The following FOXK1 variants were observed in gnomAD, a reference collection of about 807,000 sequenced individuals.
FOXK1 encodes forkhead box protein K1.
FOXK1 carries 19 observed loss-of-function variants against 51.9 expected under a neutral mutation model. The ratio of observed to expected loss-of-function variants is 0.37; its 90% CI spans 0.26 to 0.54. The LOEUF is 0.54. FOXK1 is among the 20% of genes least tolerant of loss of function. The pLI is 0.87. For missense variants in FOXK1, 870 were observed against 1,032.7 expected (o/e 0.84, Z 2.16); for synonymous variants, 537 against 482.6 (o/e 1.11, Z -1.48).
At chr7:4,759,755 G>A in intron 7 of FOXK1, 160 bp downstream of exon 7, 1 of 904,944 alleles carries the variant, frequency 1.1e-6, no homozygotes. Flanking sequence ...GCATGAGCTG[G>A]GCAGGTGGCT....
chr7:4,700,809 C>G (rs949147035), intron 1 of FOXK1, among the ~76,000 whole-genome samples: 6 of 152,072 alleles, frequency 3.9e-5, no homozygotes, highest in Admixed American at 3.9e-4. Context: ...AGAGCAAGAC[C>G]CTGTCTCAAA....
rs1241695265 is a variant in FOXK1 at position 4,741,094 on chromosome 7, G to A, written c.746+71G>A. 3.4e-5 allele frequency: 37 copies of A among 1,103,978 alleles called. 1 individual carries two copies. The highest frequency in any genetic ancestry group is 2.3e-4 in the Middle Eastern group (1 of 4,422). The allele number at this position is 1,103,978 out of a possible 1,614,324, so 68.4% of individuals were successfully genotyped here. A position where few individuals can be genotyped will look rare whatever the true frequency, so the allele number is the denominator to read the frequency against. ...GATGATGCGAGCGTGCCTGTCGTAC[G>A]CAGCACCGGGTTCCAAATCTCTCTG... On this transcript the variant is annotated intron_variant, in intron 2 of 8. Transcript: ENST00000328914.
In FOXK1 at chr7:4,682,362, G is replaced by A. The variant is rs1205484988; in HGVS notation, c.54G>A (p.Ser18=). Reference sequence around the variant, plus strand: ...CCCGCGCCCTGCTCGCGCTGCGCTCGGCGCCCTGCAGCCCAGTGCTGTGCG... The same window carrying A: ...CCCGCGCCCTGCTCGCGCTGCGCTCAGCGCCCTGCAGCCCAGTGCTGTGCG... The part of the protein sequence containing the change: ...SGARALLALR[S]APCSPVLCAA... Residue 18 remains serine (S), a synonymous_variant, in exon 1 of 9, where the codon TCG becomes TCA. Transcript: ENST00000328914. The surrounding 1 kb of genome is among the most constrained non-coding windows in gnomAD (Gnocchi z 7.6). 2.0e-6 allele frequency: 2 copies of A among 993,328 alleles called. No homozygotes were observed. The highest frequency in any genetic ancestry group is 3.5e-5 in the African/African-American group (2 of 56,804). The allele number at this position is 993,328 out of a possible 1,614,324, so 61.5% of individuals were successfully genotyped here. A position where few individuals can be genotyped will look rare whatever the true frequency, so the allele number is the denominator to read the frequency against.
intron 1 of FOXK1, among the ~76,000 whole-genome samples, chr7:4,714,551 G>A (rs989548124): frequency 7.9e-5 from 12 of 152,276 alleles, no homozygotes; most frequent in African/African-American, 2.4e-4. Context: ...TTGGGATTAC[G>A]GGCGTGAGCC....
In FOXK1 at chr7:4,717,620, C is replaced by T. The variant is rs1050145150; in HGVS notation, c.561-23218C>T. On this transcript the variant is annotated intron_variant, in intron 1 of 8. Coordinates refer to ENST00000328914, the MANE Select transcript of FOXK1 (RefSeq NM_001037165.2). ...AGGCAAGTGTCTGTGAAGCGCATGA[C>T]GGGAGGTACTCCACCCTAGCCCCAG... 9.9e-5 allele frequency among the ~76,000 whole-genome samples: 15 copies of T among 152,092 alleles called. No homozygotes were observed. In the South Asian group the frequency reaches 1.2e-3, roughly 13 times the overall value.
intron 1 of FOXK1, among the ~76,000 whole-genome samples, chr7:4,688,738 A>G (rs1381212777): frequency 6.6e-6 from 1 of 151,952 alleles, no homozygotes; most frequent in East Asian, 1.9e-4. Context: ...ACCTGCCTTT[A>G]CAGATTGGAT....
Position 4,758,702 on chromosome 7 carries a change from C to A in FOXK1, c.1245-349C>A, listed in dbSNP as rs73674093. On this transcript the variant is annotated intron_variant, in intron 5 of 8. Transcript: ENST00000328914. The surrounding 1 kb of genome is among the most constrained non-coding windows in gnomAD (Gnocchi z 4.4). ...TTCATGGTGGAACGGTTGCGCCCACCAAACAGAAGCTTATGTTTTTGGCAC... is the reference window on the plus strand; with the variant it reads ...TTCATGGTGGAACGGTTGCGCCCACAAAACAGAAGCTTATGTTTTTGGCAC... The A allele has an allele frequency of 0.018, 4,698 of 268,236 alleles. 164 individuals carry two copies. Among genetic ancestry groups the A allele is most frequent in the African/African-American group, 0.081 (3,629 of 44,900 alleles). 16.6% of individuals were successfully genotyped at this position (268,236 alleles called of 1,614,324 possible).
chr7:4,710,947 C>G (rs1243492843), intron 1 of FOXK1, among the ~76,000 whole-genome samples: 1 of 152,184 alleles, frequency 6.6e-6, no homozygotes, highest in East Asian at 1.9e-4. Flanking sequence ...ATGTGTCTGT[C>G]CGCATTACCT....
chr7:4,725,546 A>T (rs565606355), intron 1 of FOXK1, among the ~76,000 whole-genome samples: 6 of 152,352 alleles, frequency 3.9e-5, no homozygotes, highest in African/African-American at 1.4e-4. Flanking sequence ...CAAGGACCTC[A>T]CTGCCTTTGT....
intron 1 of FOXK1, among the ~76,000 whole-genome samples, chr7:4,685,908 A>C (rs1024503757): frequency 1.3e-5 from 2 of 151,452 alleles, no homozygotes; most frequent in Non-Finnish European, 2.9e-5. Context: ...ACGCCACTGC[A>C]CTCCAGCCTG....
Position 4,743,663 on chromosome 7 carries a change from A to G in FOXK1, c.746+2640A>G, listed in dbSNP as rs1225477329. Among the ~76,000 whole-genome samples, 1 of 152,224 alleles carries G rather than the reference A, an allele frequency of 6.6e-6. No homozygotes were observed. Among genetic ancestry groups the G allele is most frequent in the African/African-American group, 2.4e-5 (1 of 41,460 alleles). ...CCTAGTACCACCTTAAAGGCGCTGT[A>G]GAAATGGTGGCCAAGACCAGCTCAC... is the stretch of plus-strand genomic sequence containing the variant. On this transcript the variant is annotated intron_variant, in intron 2 of 8. Transcript: ENST00000328914. The surrounding 1 kb of genome is among the most constrained non-coding windows in gnomAD (Gnocchi z 5.3).
rs966625931 is a variant in FOXK1, at chr7:4,767,425, T to C, written c.*4961T>C. ...CACGGGGACTGCGCCACACTCCTGA[T>C]GAAAACGTGTTTACCCACAGCCTCG... On this transcript the variant is annotated 3_prime_UTR_variant, in exon 9 of 9. Coordinates refer to ENST00000328914, the MANE Select transcript of FOXK1 (RefSeq NM_001037165.2). The surrounding 1 kb of genome is among the most constrained non-coding windows in gnomAD (Gnocchi z 6.6). The C allele has an allele frequency of 2.0e-5, 3 of 152,258 alleles. No individual in the cohort carries two copies. Among genetic ancestry groups the C allele is most frequent in the African/African-American group, 4.8e-5 (2 of 41,470 alleles). The allele number at this position is 152,258 out of a possible 1,614,324, so 9.4% of individuals were successfully genotyped here.
intron 2 of FOXK1, among the ~76,000 whole-genome samples, chr7:4,746,932 T>C (rs1385021890): frequency 6.6e-6 from 1 of 152,202 alleles, no homozygotes; most frequent in Non-Finnish European, 1.5e-5. Context: ...CTTATGTCTT[T>C]TCCCAGCTGA....
At chr7:4,725,421 G>C (rs1046197828) in intron 1 of FOXK1, among the ~76,000 whole-genome samples, 1 of 152,226 alleles carries the variant, frequency 6.6e-6, no homozygotes, top group Non-Finnish European at 1.5e-5. Flanking sequence ...AAGTGAAACC[G>C]GGCTTAGTTG....
chr7:4,758,925 C>A lies in FOXK1; in HGVS notation c.1245-126C>A. 2.0e-6 allele frequency: 2 copies of A among 1,020,892 alleles called. No individual in the cohort carries two copies. The highest frequency in any genetic ancestry group is 2.8e-6 in the Non-Finnish European group (2 of 713,446). The allele number at this position is 1,020,892 out of a possible 1,614,324, so 63.2% of individuals were successfully genotyped here. A position where few individuals can be genotyped will look rare whatever the true frequency, so the allele number is the denominator to read the frequency against. ...GGGGGCGTTTCTCACCGTCTGAATGCGGAGGACAGAGACGAGCTCCAGGGA... is the reference window on the plus strand; with the variant it reads ...GGGGGCGTTTCTCACCGTCTGAATGAGGAGGACAGAGACGAGCTCCAGGGA... On this transcript the variant is annotated intron_variant, in intron 5 of 8. Transcript: ENST00000328914. This position sits in a 1 kb window ranked among gnomAD's most constrained non-coding sequence, Gnocchi z 4.4.
At position 4,743,583 on chromosome 7, in the gene FOXK1, T is replaced by C. The variant is rs894639617; in HGVS notation, c.746+2560T>C. Among the ~76,000 whole-genome samples the C allele has an allele frequency of 9.9e-5, 15 of 152,188 alleles. No individual in the cohort carries two copies. Among genetic ancestry groups the C allele is most frequent in the African/African-American group, 3.6e-4 (15 of 41,466 alleles). ...TAAATAAATGGTGAATTTTATGTTA[T>C]GGGAATTGCATCTGAAGAAAGCAGT... is the stretch of plus-strand genomic sequence containing the variant. On this transcript the variant is annotated intron_variant, in intron 2 of 8. Coordinates refer to ENST00000328914, the MANE Select transcript of FOXK1 (RefSeq NM_001037165.2). The surrounding 1 kb of genome is among the most constrained non-coding windows in gnomAD (Gnocchi z 5.3).
intron 1 of FOXK1, among the ~76,000 whole-genome samples, chr7:4,692,027 G>A (rs564924777): frequency 6.6e-6 from 1 of 152,056 alleles, no homozygotes; most frequent in African/African-American, 2.4e-5. Context: ...GTTTATATGA[G>A]CTATATCTGT....
At chr7:4,685,000 G>A (rs1013362988) in intron 1 of FOXK1, among the ~76,000 whole-genome samples, 1 of 151,736 alleles carries the variant, frequency 6.6e-6, no homozygotes, top group African/African-American at 2.4e-5. Flanking sequence ...ATTGTGGTGG[G>A]GCTGTCAGGC....
chr7:4,687,018 C>T (rs562795051), intron 1 of FOXK1, among the ~76,000 whole-genome samples: 9 of 151,732 alleles, frequency 5.9e-5, no homozygotes, highest in African/African-American at 1.9e-4. Context: ...CCGCAAGCTC[C>T]GCCTCCCGGG....
Sources: gnomAD v4.1 joint callset for allele counts (sites outside exome capture counted in the v4.1 genomes callset) on GRCh38, gnomAD v4.1.1 for gene constraint, Gnocchi (gnomAD v3.1) non-coding constraint, MANE v1.5 for transcripts, NCBI Gene and HGNC (gene_info 2026-07-23, HGNC 2026-07-21) for gene names.